IPO11: variants seen among roughly 807,000 people sequenced by gnomAD.
The protein encoded by IPO11 is importin-11.
In IPO11, 66 loss-of-function variants were observed where a neutral mutation model predicts 143.2. The ratio of observed to expected loss-of-function variants is 0.46; its 90% confidence interval spans 0.38 to 0.57. IPO11 has a LOEUF of 0.57. Ranked by LOEUF, IPO11 falls within the 20% of genes least tolerant of loss-of-function variation. The probability of loss-of-function intolerance (pLI) is 0.00; values close to 1 mark genes in which losing one functional copy is unlikely to be tolerated. For missense variants in IPO11, 1,026 were observed against 1,141.0 expected (o/e 0.90, Z 1.45); for synonymous variants, 385 against 377.8 (o/e 1.02, Z -0.22).
At chr5:62,547,382 T>C (rs557233317) in intron 24 of IPO11, among the ~76,000 whole-genome samples, 28 of 152,142 alleles carry the variant, frequency 1.8e-4, no homozygotes, top group Non-Finnish European at 2.1e-4. Flanking sequence ...ATGTCATCAT[T>C]ATTACTGACA....
chr5:62,555,596 C>T (rs147065605), intron 26 of IPO11, among the ~76,000 whole-genome samples: 162 of 152,058 alleles, frequency 1.1e-3, no homozygotes, highest in East Asian at 5.6e-3. Context: ...CCCCGCCTCC[C>T]GGGTTCACAT....
intron 2 of IPO11, among the ~76,000 whole-genome samples, chr5:62,442,629 C>T (rs1311535310): frequency 2.6e-5 from 4 of 151,938 alleles, no homozygotes; most frequent in Non-Finnish European, 4.4e-5. Context: ...GAGGCCAAGG[C>T]GAATGGATCA....
At chr5:62,579,709 T>C in intron 27 of IPO11, 1 of 1,548,606 alleles carries the variant, frequency 6.5e-7, no homozygotes, top group Non-Finnish European at 8.7e-7. Context: ...AGCATTGTAT[T>C]TGGATAATTC....
intron 27 of IPO11, chr5:62,580,897 C>T: frequency 6.4e-7 from 1 of 1,551,376 alleles, no homozygotes; most frequent in Non-Finnish European, 8.7e-7. Context: ...TGTGCAAATA[C>T]AACTTACTAC....
intron 24 of IPO11, among the ~76,000 whole-genome samples, chr5:62,547,242 A>G (rs181237681): frequency 6.6e-6 from 1 of 152,282 alleles, no homozygotes; most frequent in Admixed American, 6.5e-5. Flanking sequence ...TTTGAAACTC[A>G]TATGTGTATA....
chr5:62,620,295 G>A (rs1746300187), intron 29 of IPO11, among the ~76,000 whole-genome samples: 4 of 152,166 alleles, frequency 2.6e-5, no homozygotes, highest in Admixed American at 6.5e-5. Flanking sequence ...CGAGGTGGGC[G>A]GATCACGAGG....
In IPO11 at chr5:62,504,660, C is replaced by T. The variant is rs542001289; in HGVS notation, c.1591-7C>T. 45 of 1,439,788 alleles carry T rather than the reference C, an allele frequency of 3.1e-5. No individual in the cohort carries two copies. In the African/African-American group the frequency reaches 6.1e-4, roughly 19 times the overall value. 89.2% of individuals were successfully genotyped at this position (1,439,788 alleles called of 1,614,324 possible). On this transcript the variant is annotated splice_region_variant and splice_polypyrimidine_tract_variant and intron_variant, in intron 16 of 29. Transcript: ENST00000325324. Reference sequence around the variant, plus strand: ...TAATTAAAAACTAATGATATACTTTCTTTTAGGTCCGTATTGAAACAGCTA... The same window carrying T: ...TAATTAAAAACTAATGATATACTTTTTTTTAGGTCCGTATTGAAACAGCTA...
rs1458593335 is a variant in IPO11 at position 62,483,118 on chromosome 5, T to G, written c.846T>G (p.Asp282Glu). The G allele has an allele frequency of 1.3e-6, 2 of 1,598,120 alleles. No individual in the cohort carries two copies. Among genetic ancestry groups the G allele is most frequent in the South Asian group, 2.3e-5 (2 of 88,052 alleles). The stretch of plus-strand genomic sequence containing the variant: ...TTCTACAGCTTTTGGACTTCTTGGA[T>G]CAGCATCCTTTTTCATTTACTCCTC... Reference protein sequence around the residue: ...LFTKVLLDFLDQHPFSFTPLI... With the variant: ...LFTKVLLDFLEQHPFSFTPLI... Residue 282 changes from aspartate (D) to glutamate (E), a missense_variant, in exon 10 of 30, where the codon GAT (aspartate) becomes GAG (glutamate). This residue lies in a region of IPO11 where 429 missense variants were observed against 456.3 expected (regional missense o/e 0.94). Coordinates refer to ENST00000325324, the MANE Select transcript of IPO11 (RefSeq NM_016338.5).
intron 20 of IPO11, among the ~76,000 whole-genome samples, chr5:62,525,347 C>A (rs1029508887): frequency 1.0e-5 from 1 of 98,446 alleles, no homozygotes; most frequent in Admixed American, 1.3e-4. Flanking sequence ...TGTGTCAAAT[C>A]CTCCCATCCT....
chr5:62,554,390 T>C (rs9632387), intron 26 of IPO11, among the ~76,000 whole-genome samples: 70,960 of 151,924 alleles, frequency 0.47, 16,764 homozygotes, highest in South Asian at 0.53. Context: ...TGTTTTCTTC[T>C]AGTAATCTTA....
intron 1 of IPO11, among the ~76,000 whole-genome samples, chr5:62,418,224 G>T (rs1743372656): frequency 6.6e-6 from 1 of 151,514 alleles, no homozygotes; most frequent in Admixed American, 6.6e-5. Context: ...GGAGTGCAGT[G>T]GCACCATCTC....
At chr5:62,485,962 GTTTT>G (rs1327756448) in intron 12 of IPO11, among the ~76,000 whole-genome samples, 1 of 147,930 alleles carries the variant, frequency 6.8e-6, no homozygotes, top group Non-Finnish European at 1.5e-5. Flanking sequence ...TTTAATCTGA[GTTTT>G]TTTTCTTTTT....
At chr5:62,429,871 C>T (rs978037964) in intron 1 of IPO11, among the ~76,000 whole-genome samples, 1 of 152,126 alleles carries the variant, frequency 6.6e-6, no homozygotes, top group Non-Finnish European at 1.5e-5. Flanking sequence ...GATCCTCCTG[C>T]CTCAGCCTCC....
chr5:62,563,322 A>G (rs1313056477), intron 27 of IPO11, among the ~76,000 whole-genome samples: 3 of 152,246 alleles, frequency 2.0e-5, no homozygotes, highest in Non-Finnish European at 4.4e-5. Context: ...ATGAGTTAAT[A>G]AGACATGTTA....
chr5:62,473,090 A>G (rs765196260), intron 7 of IPO11, among the ~76,000 whole-genome samples: 52 of 152,194 alleles, frequency 3.4e-4, no homozygotes, highest in Non-Finnish European at 3.1e-4. Context: ...ACTTTTCATT[A>G]TCAATTATTG....
chr5:62,431,589 CA>C (rs1174608187), intron 1 of IPO11, among the ~76,000 whole-genome samples: 1 of 152,068 alleles, frequency 6.6e-6, no homozygotes, highest in Non-Finnish European at 1.5e-5. Context: ...CTACCCCCAC[CA>C]GGCTAAAGTC....
At chr5:62,464,739 C>T (rs1404475601) in intron 5 of IPO11, among the ~76,000 whole-genome samples, 2 of 152,184 alleles carry the variant, frequency 1.3e-5, no homozygotes, top group African/African-American at 4.8e-5. Flanking sequence ...TCCCAAAGCA[C>T]TGACATTACA....
intron 29 of IPO11, 138 bp from the exon 30 acceptor site, chr5:62,627,016 A>G (rs1370930062): frequency 3.3e-6 from 2 of 603,766 alleles, no homozygotes; most frequent in African/African-American, 3.7e-5. Flanking sequence ...CCATGAGATT[A>G]GTACAGAATC....
At chr5:62,559,916 C>CA (rs759468696) in intron 26 of IPO11, among the ~76,000 whole-genome samples, 1,781 of 16,774 alleles carry the variant, frequency 0.11, 152 homozygotes, top group Middle Eastern at 0.2. Flanking sequence ...AACTCTGTCT[C>CA]AAAAAAAAAA....
Sources: gnomAD v4.1 joint callset for allele counts (sites outside exome capture counted in the v4.1 genomes callset) on GRCh38, gnomAD v4.1.1 for gene constraint, gnomAD v4.1.1 regional missense constraint, MANE v1.5 for transcripts, NCBI Gene and HGNC (gene_info 2026-07-23, HGNC 2026-07-21) for gene names.